Variants in CATSPERB observed in about 807,000 individuals in gnomAD.
CATSPERB encodes the protein cation channel sperm-associated auxiliary subunit beta.
CATSPERB carries 93 observed loss-of-function variants against 128.3 expected under a neutral mutation model. The observed-to-expected ratio is 0.72, with a 90% CI of 0.61 to 0.86. CATSPERB has a LOEUF of 0.86. Ranked by LOEUF, CATSPERB falls within the 40% of genes least tolerant of loss-of-function variation. CATSPERB has a pLI of 0.00. For synonymous variants in CATSPERB, 381 were observed against 448.8 expected, an observed-to-expected ratio of 0.85 and a Z score of 1.91; for missense variants, 1,153 against 1,329.5, an observed-to-expected ratio of 0.87 and a Z score of 2.06.
intron 21 of CATSPERB, among the ~76,000 whole-genome samples, chr14:91,609,663 T>C (rs1424218504): frequency 1.3e-5 from 2 of 152,226 alleles, no homozygotes; most frequent in African/African-American, 4.8e-5. Context: ...TAGACTAGTA[T>C]CTATATATAT....
intron 17 of CATSPERB, among the ~76,000 whole-genome samples, chr14:91,630,217 G>GT (rs961832828): frequency 1.3e-5 from 2 of 152,122 alleles, no homozygotes; most frequent in Non-Finnish European, 2.9e-5. Context: ...ATTTTCCTGT[G>GT]TTTTTTCTAC....
At chr14:91,715,147 T>TA (rs1480524713) in intron 5 of CATSPERB, 7 of 152,228 alleles carry the variant, frequency 4.6e-5, no homozygotes, top group African/African-American at 1.4e-4. Flanking sequence ...CTTTTTTTTT[T>TA]ATGTGCAAGT....
At chr14:91,696,270 C>CA (rs369897270) in intron 7 of CATSPERB, among the ~76,000 whole-genome samples, 3 of 152,186 alleles carry the variant, frequency 2.0e-5, no homozygotes, top group African/African-American at 7.2e-5. Context: ...GGGGTCACAC[C>CA]AAAAAGGAGC....
intron 5 of CATSPERB, among the ~76,000 whole-genome samples, chr14:91,717,223 G>A (rs529474564): frequency 2.6e-5 from 4 of 152,268 alleles, no homozygotes; most frequent in African/African-American, 9.6e-5. Flanking sequence ...AGATGGAGAG[G>A]GGTTGATTAT....
chr14:91,656,969 A>T (rs1326340467), intron 15 of CATSPERB, among the ~76,000 whole-genome samples: 1 of 152,108 alleles, frequency 6.6e-6, no homozygotes. Context: ...TATAAAAATT[A>T]TAACTATATA....
chr14:91,608,220 C>T (rs1429963641), intron 22 of CATSPERB, 74 bp downstream of exon 22: 5 of 905,794 alleles, frequency 5.5e-6, no homozygotes, highest in Non-Finnish European at 7.2e-6. Context: ...ACACTTATAG[C>T]TATATATATA....
chr14:91,612,509 T>C (rs537867184), intron 20 of CATSPERB, among the ~76,000 whole-genome samples: 1 of 152,206 alleles, frequency 6.6e-6, no homozygotes, highest in Admixed American at 6.5e-5. Context: ...TTCATAAAGA[T>C]AGATTTTTAT....
Position 91,636,425 on chromosome 14 carries a change from C to T in CATSPERB, c.1742G>A (p.Gly581Glu). The T allele has an allele frequency of 6.2e-7, 1 of 1,613,568 alleles. No homozygotes were observed. The highest frequency in any genetic ancestry group is 1.1e-5 in the South Asian group (1 of 91,022). Residue 581 changes from glycine (G) to glutamate (E), a missense_variant and splice_region_variant, in exon 17 of 27, where the codon GGG (glycine) becomes GAG (glutamate). Gly to Glu is a moderately conservative substitution (Grantham distance 98). Coordinates refer to ENST00000256343, the MANE Select transcript of CATSPERB (RefSeq NM_024764.4). ...CATCTAAATAAATGCATATCACTAC[C>T]CAGAGTGTATCACTTTTCCATAGTG... Reference protein sequence around the residue: ...NIHYGKVIHSGKTGRAYIRKV... With the variant: ...NIHYGKVIHSEKTGRAYIRKV...
chr14:91,604,993 T>TACAA, intron 22 of CATSPERB: 1 of 1,165,922 alleles, frequency 8.6e-7, no homozygotes, highest in South Asian at 1.2e-5. Flanking sequence ...TATCATTGAG[T>TACAA]ACAAACAGCT....
intron 21 of CATSPERB, among the ~76,000 whole-genome samples, chr14:91,608,699 C>T (rs954990144): frequency 1.3e-5 from 2 of 152,104 alleles, no homozygotes; most frequent in Non-Finnish European, 2.9e-5. Context: ...GTAAATAATT[C>T]TTCAAGTTTG....
intron 2 of CATSPERB, among the ~76,000 whole-genome samples, chr14:91,729,015 A>G (rs775419768): frequency 1.3e-5 from 2 of 152,230 alleles, no homozygotes; most frequent in African/African-American, 4.8e-5. Context: ...TAAGTTTTAC[A>G]TTGTGCACTG....
chr14:91,685,669 A>T (rs1207584292), intron 10 of CATSPERB, among the ~76,000 whole-genome samples: 1 of 152,184 alleles, frequency 6.6e-6, no homozygotes, highest in Non-Finnish European at 1.5e-5. Flanking sequence ...TCAGGGAGGG[A>T]TTTCTGAAGA....
At chr14:91,637,643 C>T (rs1393712200) in intron 16 of CATSPERB, among the ~76,000 whole-genome samples, 2 of 152,090 alleles carry the variant, frequency 1.3e-5, no homozygotes, top group African/African-American at 2.4e-5. Context: ...AGGAATAAAT[C>T]GTCGTTATAA....
At chr14:91,659,212 CAG>C (rs751591765) in intron 15 of CATSPERB, among the ~76,000 whole-genome samples, 1 of 152,112 alleles carries the variant, frequency 6.6e-6, no homozygotes, top group African/African-American at 2.4e-5. Flanking sequence ...TTTGAGATGA[CAG>C]ATATGCTAAT....
In CATSPERB at chr14:91,621,935, C is replaced by A. The variant is rs1184324165; in HGVS notation, c.1933G>T (p.Val645Phe). 1.3e-6 allele frequency: 2 copies of A among 1,578,082 alleles called. No homozygotes were observed. The highest frequency in any genetic ancestry group is 1.7e-6 in the Non-Finnish European group (2 of 1,162,752). ...TCTGTATCTTCAAACAAGGCCTGAA[C>A]AACTGGAGATTAAACAGAAGAGACT... Reference protein sequence around the residue: ...VYKLTLDSQVVQALFEDTDIE... With the variant: ...VYKLTLDSQVFQALFEDTDIE... Residue 645 changes from valine to phenylalanine, a missense_variant and splice_region_variant, in exon 19 of 27, where the codon GTT becomes TTT. Val to Phe is a conservative substitution (Grantham distance 50). Coordinates refer to ENST00000256343, the MANE Select transcript of CATSPERB (RefSeq NM_024764.4).
chr14:91,611,140 T>TG (rs1462389500), intron 20 of CATSPERB, among the ~76,000 whole-genome samples: 1 of 151,654 alleles, frequency 6.6e-6, no homozygotes, highest in Non-Finnish European at 1.5e-5. Context: ...TATAGAAAAC[T>TG]AAAAAATATA....
chr14:91,601,676 T>G (rs1278101023), intron 22 of CATSPERB, among the ~76,000 whole-genome samples: 2 of 152,264 alleles, frequency 1.3e-5, no homozygotes, highest in South Asian at 4.1e-4. Context: ...TTTTTTTTGG[T>G]AGATCACATT....
intron 22 of CATSPERB, among the ~76,000 whole-genome samples, chr14:91,605,901 C>T (rs531273137): frequency 5.9e-5 from 9 of 152,320 alleles, no homozygotes; most frequent in African/African-American, 1.4e-4. Flanking sequence ...TTCAGCTGGG[C>T]GCTGTGGCTC....
chr14:91,603,065 T>G, intron 22 of CATSPERB: 1 of 784,726 alleles, frequency 1.3e-6, no homozygotes, highest in Non-Finnish European at 2.4e-6. Flanking sequence ...CTTTTTGGGT[T>G]TTGGGCCTGC....
Sources: gnomAD v4.1 joint callset for allele counts (sites outside exome capture counted in the v4.1 genomes callset) on GRCh38, gnomAD v4.1.1 for gene constraint, MANE v1.5 for transcripts, NCBI Gene and HGNC (gene_info 2026-07-23, HGNC 2026-07-21) for gene names.